TMEM108: variants seen among roughly 807,000 people sequenced by gnomAD.
TMEM108 encodes the protein cancer/testis antigen 124.
Under a neutral mutation model 35.1 loss-of-function variants are expected in TMEM108, and 12 were observed. The observed-to-expected ratio is 0.34, with a 90% CI of 0.22 to 0.55. The LOEUF is 0.55. Among genes scored for constraint, TMEM108 ranks in the 20% least tolerant of loss-of-function variants. The pLI is 0.89. For synonymous variants in TMEM108, 287 were observed against 308.6 expected (o/e 0.93, Z 0.73); for missense variants, 680 against 753.3 (o/e 0.90, Z 1.14).
rs749425069 is a variant in TMEM108 at position 133,397,265 on chromosome 3, T to TTTGA, written c.*1281_*1284dup. The TTTGA allele has an allele frequency of 5.3e-5, 8 of 152,172 alleles. No individual in the cohort carries two copies. The highest frequency in any genetic ancestry group is 1.0e-4 in the Non-Finnish European group (7 of 68,022). The allele number at this position is 152,172 out of a possible 1,614,324, so 9.4% of individuals were successfully genotyped here. A position where few individuals can be genotyped will look rare whatever the true frequency, so the allele number is the denominator to read the frequency against. ...CTTCCTTTCTCTAAAAGAAAAATAG[T>TTTGA]TTGATAGTATATTTTGAATATAGAT... On this transcript the variant is annotated 3_prime_UTR_variant, in exon 6 of 6. Transcript: ENST00000321871.
At chr3:133,394,636 T>C (rs1242693938) in intron 5 of TMEM108, among the ~76,000 whole-genome samples, 2 of 152,248 alleles carry the variant, frequency 1.3e-5, no homozygotes, top group Non-Finnish European at 2.9e-5. Flanking sequence ...CCCAAAAGCA[T>C]GGTGGAGGAA....
intron 3 of TMEM108, among the ~76,000 whole-genome samples, chr3:133,252,160 TGC>T (rs894846142): frequency 5.3e-5 from 8 of 152,254 alleles, no homozygotes; most frequent in African/African-American, 1.9e-4. Context: ...GGGTAAATAT[TGC>T]TATTCACAGG....
chr3:133,303,149 T>A (rs976100518), intron 3 of TMEM108: 1 of 152,164 alleles, frequency 6.6e-6, no homozygotes, highest in Non-Finnish European at 1.5e-5. Flanking sequence ...CTTAACTGAT[T>A]TTTTAGTGGT....
chr3:133,381,742 A>G (rs2073019240), intron 4 of TMEM108, among the ~76,000 whole-genome samples: 1 of 152,126 alleles, frequency 6.6e-6, no homozygotes, highest in Non-Finnish European at 1.5e-5. Context: ...CTCTTCTCCT[A>G]AGAAAGAAAA....
chr3:133,098,483 C>T (rs1451263617), intron 2 of TMEM108, among the ~76,000 whole-genome samples: 2 of 152,140 alleles, frequency 1.3e-5, no homozygotes, highest in Non-Finnish European at 2.9e-5. Context: ...ACCAATTATG[C>T]CTTCCGAACA....
At chr3:133,366,709 G>C (rs2072509317) in intron 3 of TMEM108, among the ~76,000 whole-genome samples, 1 of 152,168 alleles carries the variant, frequency 6.6e-6, no homozygotes, top group South Asian at 2.1e-4. Flanking sequence ...ATAATTAAAA[G>C]GTGGAGGGTG....
At chr3:133,135,618 A>G (rs1944554786) in intron 2 of TMEM108, among the ~76,000 whole-genome samples, 1 of 152,198 alleles carries the variant, frequency 6.6e-6, no homozygotes, top group South Asian at 2.1e-4. Context: ...CATTATTTAG[A>G]GGTAAACTGT....
chr3:133,231,002 T>G (rs1052878628), intron 3 of TMEM108, among the ~76,000 whole-genome samples: 1 of 152,082 alleles, frequency 6.6e-6, no homozygotes. Flanking sequence ...GGTTAGGAGG[T>G]AGGTAGTGGC....
At chr3:133,290,579 C>T (rs1372616734) in intron 3 of TMEM108, among the ~76,000 whole-genome samples, 2 of 151,904 alleles carry the variant, frequency 1.3e-5, no homozygotes, top group Non-Finnish European at 2.9e-5. Flanking sequence ...CAAGTTAGTG[C>T]CACTACATTC....
At position 133,292,128 on chromosome 3, in the gene TMEM108, C is replaced by T. The variant is rs1354920793; in HGVS notation, c.40+62777C>T. On this transcript the variant is annotated intron_variant, in intron 3 of 5. Transcript: ENST00000321871. ...CACTTTGTGGGAACCTTGATGGTTG[C>T]GTAGAAGTTTACCAGATTGGTAAAG... Among the ~76,000 whole-genome samples the T allele has an allele frequency of 4.6e-5, 7 of 151,246 alleles. No individual in the cohort carries two copies. The East Asian group carries it at 5.9e-4, about 13-fold the overall frequency.
intron 3 of TMEM108, among the ~76,000 whole-genome samples, chr3:133,304,612 G>C (rs72978158): frequency 0.02 from 3,105 of 152,112 alleles, 131 homozygotes; most frequent in African/African-American, 0.07. Flanking sequence ...ATAGTCTCTT[G>C]CATCTGGCTT....
chr3:133,396,002 C>T lies in TMEM108; in HGVS notation c.*16C>T. On this transcript the variant is annotated 3_prime_UTR_variant, in exon 6 of 6. Transcript: ENST00000321871. ...TGAGATCTAACTACAGCAGGCATCA[C>T]TTTGCCATTCCGTATTTTTCGTCTC... is the stretch of plus-strand genomic sequence containing the variant. The T allele has an allele frequency of 3.9e-6, 6 of 1,519,004 alleles. No individual in the cohort carries two copies. Among genetic ancestry groups the T allele is most frequent in the Non-Finnish European group, 5.3e-6 (6 of 1,132,920 alleles). 94.1% of individuals were successfully genotyped at this position (1,519,004 alleles called of 1,614,324 possible).
At chr3:133,055,752 T>C (rs1304980003) in intron 2 of TMEM108, among the ~76,000 whole-genome samples, 1 of 152,128 alleles carries the variant, frequency 6.6e-6, no homozygotes, top group Non-Finnish European at 1.5e-5. Flanking sequence ...ACATGACCCA[T>C]TCCTATCAGC....
intron 3 of TMEM108, among the ~76,000 whole-genome samples, chr3:133,233,597 TC>T (rs1946188562): frequency 6.6e-6 from 1 of 151,748 alleles, no homozygotes; most frequent in Admixed American, 6.6e-5. Flanking sequence ...TAGTTCTAGA[TC>T]CCTGAGGAAT....
intron 3 of TMEM108, among the ~76,000 whole-genome samples, chr3:133,324,226 T>C (rs1003645172): frequency 4.6e-5 from 7 of 151,548 alleles, no homozygotes; most frequent in Non-Finnish European, 8.8e-5. Flanking sequence ...ATCAGCAGAG[T>C]AAACAGACAA....
chr3:133,370,921 T>TGTGTGTGC (rs142623622), intron 3 of TMEM108, among the ~76,000 whole-genome samples: 33 of 139,400 alleles, frequency 2.4e-4, no homozygotes, highest in South Asian at 1.7e-3. Flanking sequence ...TGTGTGTGTG[T>TGTGTGTGC]GCCAGGAAGC....
At chr3:133,286,742 G>T (rs1946991266) in intron 3 of TMEM108, among the ~76,000 whole-genome samples, 1 of 152,186 alleles carries the variant, frequency 6.6e-6, no homozygotes, top group African/African-American at 2.4e-5. Flanking sequence ...GAACAAAACA[G>T]TAGTGAAATA....
At chr3:133,192,250 A>G (rs187257195) in intron 2 of TMEM108, among the ~76,000 whole-genome samples, 1 of 152,326 alleles carries the variant, frequency 6.6e-6, no homozygotes, top group African/African-American at 2.4e-5. Flanking sequence ...ACCGAAATAT[A>G]AAAGCAGTTG....
At chr3:133,336,761 G>T (rs565634948) in intron 3 of TMEM108, among the ~76,000 whole-genome samples, 1 of 151,840 alleles carries the variant, frequency 6.6e-6, no homozygotes, top group Middle Eastern at 3.4e-3. Flanking sequence ...TCTGATTCCA[G>T]GCCATGGCTC....
Sources: gnomAD v4.1 joint callset for allele counts (sites outside exome capture counted in the v4.1 genomes callset) on GRCh38, gnomAD v4.1.1 for gene constraint, MANE v1.5 for transcripts, NCBI Gene and HGNC (gene_info 2026-07-23, HGNC 2026-07-21) for gene names.